The following CALN1 variants were observed in gnomAD, a reference collection of about 807,000 sequenced individuals.
The protein encoded by CALN1 is calneuron 1, also known as calcium-binding protein 8.
CALN1 carries 17 observed loss-of-function variants against 30.6 expected under a neutral mutation model. The ratio of observed to expected loss-of-function variants is 0.56; its 90% confidence interval spans 0.38 to 0.83. The LOEUF is 0.83. Among genes scored for constraint, CALN1 ranks in the 40% least tolerant of loss-of-function variants. CALN1 has a pLI of 0.00. For synonymous variants in CALN1, 156 were observed against 131.4 expected, an observed-to-expected ratio of 1.19 and a Z score of -1.28; for missense variants, 291 against 354.9, an observed-to-expected ratio of 0.82 and a Z score of 1.45.
the CALN1 span, among the ~76,000 whole-genome samples, chr7:72,483,747 T>C: frequency 6.6e-6 from 1 of 152,248 alleles, no homozygotes; most frequent in Non-Finnish European, 1.5e-5. Context: ...ATTCGGTTGC[T>C]TGAAGTTGTC....
chr7:72,137,002 G>A (rs912416796), intron 3 of CALN1, among the ~76,000 whole-genome samples: 1 of 152,182 alleles, frequency 6.6e-6, no homozygotes, highest in Non-Finnish European at 1.5e-5. Context: ...CAACAGTTAA[G>A]GACAGGTTTA....
rs183688607 is a variant in CALN1 at position 71,784,963 on chromosome 7, G to C, written c.*2812C>G. On this transcript the variant is annotated 3_prime_UTR_variant, in exon 7 of 7. Transcript: ENST00000395275. Reference sequence around the variant, plus strand: ...GGGAGTTGGCTGCCTGACAAGGAAGGCTTCCCTATACCCAAGACAAACTGT... The same window carrying C: ...GGGAGTTGGCTGCCTGACAAGGAAGCCTTCCCTATACCCAAGACAAACTGT... 2.5e-6 allele frequency: 1 copy of C among 398,098 alleles called. No individual in the cohort carries two copies. Among genetic ancestry groups the C allele is most frequent in the East Asian group, 3.6e-5 (1 of 28,056 alleles). 24.7% of individuals were successfully genotyped at this position (398,098 alleles called of 1,614,324 possible). A position where few individuals can be genotyped will look rare whatever the true frequency, so the allele number is the denominator to read the frequency against.
At chr7:72,367,692 A>G (rs913301887) in intron 2 of CALN1, among the ~76,000 whole-genome samples, 1 of 152,088 alleles carries the variant, frequency 6.6e-6, no homozygotes, top group African/African-American at 2.4e-5. Context: ...AAAATTAGCC[A>G]GGTTTGGTGG....
chr7:72,192,573 G>C (rs995756716), intron 3 of CALN1, among the ~76,000 whole-genome samples: 2 of 151,762 alleles, frequency 1.3e-5, no homozygotes, highest in African/African-American at 2.4e-5. Context: ...GGGGCAGACT[G>C]GTTTTAGGAC....
At chr7:72,271,575 A>AAAAAAAAT in intron 3 of CALN1, among the ~76,000 whole-genome samples, 13 of 52,126 alleles carry the variant, frequency 2.5e-4, no homozygotes, top group African/African-American at 1.2e-3. Flanking sequence ...AAAAAAAAAA[A>AAAAAAAAT]ATATATATAT....
intron 3 of CALN1, among the ~76,000 whole-genome samples, chr7:72,156,814 C>T (rs1405577001): frequency 1.3e-5 from 2 of 152,186 alleles, no homozygotes; most frequent in African/African-American, 4.8e-5. Flanking sequence ...TCTAAAGCTG[C>T]TTCAGGATGA....
chr7:72,251,022 C>T (rs901221386), intron 3 of CALN1, among the ~76,000 whole-genome samples: 3 of 152,124 alleles, frequency 2.0e-5, no homozygotes, highest in Non-Finnish European at 4.4e-5. Flanking sequence ...TGCTCCATTC[C>T]ATTAAAGACA....
chr7:72,471,171 C>G, the CALN1 span, among the ~76,000 whole-genome samples: 1 of 152,138 alleles, frequency 6.6e-6, no homozygotes, highest in Non-Finnish European at 1.5e-5. Context: ...CCAGGCTGGT[C>G]TCAATATAAT....
At chr7:72,268,154 T>TG (rs1238325621) in intron 3 of CALN1, among the ~76,000 whole-genome samples, 1 of 152,146 alleles carries the variant, frequency 6.6e-6, no homozygotes, top group Non-Finnish European at 1.5e-5. Context: ...TGATGATGAT[T>TG]ATGATGATGA....
chr7:72,255,612 T>G (rs1220157968), intron 3 of CALN1, among the ~76,000 whole-genome samples: 1 of 150,894 alleles, frequency 6.6e-6, no homozygotes, highest in Non-Finnish European at 1.5e-5. Context: ...AACAGGGTTT[T>G]GCCACATAGG....
chr7:71,998,739 T>G (rs553480207), intron 5 of CALN1, among the ~76,000 whole-genome samples: 1 of 152,180 alleles, frequency 6.6e-6, no homozygotes, highest in South Asian at 2.1e-4. Context: ...GTATTTTTAG[T>G]AGAGATGAGG....
intron 3 of CALN1, among the ~76,000 whole-genome samples, chr7:72,142,340 C>G (rs1810007267): frequency 1.3e-5 from 2 of 152,216 alleles, no homozygotes; most frequent in African/African-American, 4.8e-5. Flanking sequence ...GTGCCTGGCT[C>G]AGAGGATCCT....
intron 4 of CALN1, among the ~76,000 whole-genome samples, chr7:72,098,801 C>CACACACAG (rs1422585433): frequency 9.9e-5 from 15 of 151,232 alleles, no homozygotes; most frequent in African/African-American, 3.2e-4. Context: ...CACACACACA[C>CACACACAG]AGCCAGTCCC....
At chr7:72,268,017 T>A (rs1796707889) in intron 3 of CALN1, among the ~76,000 whole-genome samples, 1 of 152,104 alleles carries the variant, frequency 6.6e-6, no homozygotes, top group African/African-American at 2.4e-5. Context: ...TAAAATTTTT[T>A]AAATAAATAA....
chr7:71,998,510 T>C (rs1393617153), intron 5 of CALN1, among the ~76,000 whole-genome samples: 2 of 151,972 alleles, frequency 1.3e-5, no homozygotes, highest in African/African-American at 2.4e-5. Context: ...AGAGGCAAAA[T>C]GTCGATACCA....
intron 1 of CALN1, among the ~76,000 whole-genome samples, chr7:72,432,335 C>G (rs1162823152): frequency 6.6e-6 from 1 of 152,188 alleles, no homozygotes. Flanking sequence ...CATTAAACCT[C>G]TTTTTCTTTA....
chr7:72,111,827 T>C (rs961616225), intron 3 of CALN1, among the ~76,000 whole-genome samples: 12 of 151,960 alleles, frequency 7.9e-5, no homozygotes, highest in African/African-American at 2.9e-4. Context: ...CTCAGCTCAC[T>C]GCAACCTCCG....
intron 2 of CALN1, among the ~76,000 whole-genome samples, chr7:72,292,703 C>T (rs957698958): frequency 1.3e-5 from 2 of 150,654 alleles, no homozygotes; most frequent in African/African-American, 4.9e-5. Context: ...TGCTTGTAAT[C>T]CCAGCTACTC....
At chr7:72,420,766 C>G (rs886725264) in intron 1 of CALN1, among the ~76,000 whole-genome samples, 1 of 151,748 alleles carries the variant, frequency 6.6e-6, no homozygotes, top group Non-Finnish European at 1.5e-5. Flanking sequence ...ACTACAGGAG[C>G]CCGCCACTAC....
Sources: allele counts gnomAD v4.1 joint callset (sites outside exome capture counted in the v4.1 genomes callset), GRCh38; gene constraint gnomAD v4.1.1; transcripts MANE v1.5; gene names NCBI Gene and HGNC (gene_info 2026-07-23, HGNC 2026-07-21).